ARHGAP17: variants seen among roughly 807,000 people sequenced by gnomAD.
ARHGAP17 encodes the protein Rho GTPase activating protein 17, also known as rho GTPase-activating protein 17.
In ARHGAP17, 57 loss-of-function variants were observed where a neutral mutation model predicts 99.5. The observed-to-expected ratio is 0.57, with a 90% CI of 0.46 to 0.71. The LOEUF is 0.71. Among genes scored for constraint, ARHGAP17 ranks in the 30% least tolerant of loss-of-function variants. The probability of loss-of-function intolerance (pLI) is 0.00; values close to 1 mark genes in which losing one functional copy is unlikely to be tolerated. For missense variants in ARHGAP17, 1,000 were observed against 1,122.4 expected, an observed-to-expected ratio of 0.89 and a Z score of 1.56; for synonymous variants, 417 against 429.6, an observed-to-expected ratio of 0.97 and a Z score of 0.36.
intron 6 of ARHGAP17, among the ~76,000 whole-genome samples, chr16:24,965,157 A>G (rs1033575173): frequency 6.6e-6 from 1 of 150,984 alleles, no homozygotes; most frequent in Non-Finnish European, 1.5e-5. Context: ...GTAAACATAG[A>G]TGTTATAAAA....
intron 19 of ARHGAP17, chr16:24,929,534 T>C (rs2050926956): frequency 1.1e-6 from 1 of 948,956 alleles, no homozygotes; most frequent in Non-Finnish European, 1.3e-6. Flanking sequence ...CAAAAGCACA[T>C]ATGCAAAACA....
chr16:24,996,771 A>T (rs1567263469), intron 1 of ARHGAP17, among the ~76,000 whole-genome samples: 1 of 152,190 alleles, frequency 6.6e-6, no homozygotes, highest in Non-Finnish European at 1.5e-5. Flanking sequence ...AGATAATATA[A>T]GCAAAGTGCT....
intron 15 of ARHGAP17, among the ~76,000 whole-genome samples, chr16:24,942,819 A>G (rs2051355545): frequency 6.6e-6 from 1 of 152,208 alleles, no homozygotes; most frequent in Non-Finnish European, 1.5e-5. Flanking sequence ...AAATAGAAAT[A>G]AAAGGCAACA....
intron 17 of ARHGAP17, among the ~76,000 whole-genome samples, chr16:24,937,044 G>T (rs559745339): frequency 2.0e-5 from 3 of 150,752 alleles, no homozygotes; most frequent in Non-Finnish European, 4.4e-5. Context: ...GAGCCTGGGA[G>T]ATTAAAAGGC....
At chr16:24,927,124 A>T (rs2050862955) in intron 19 of ARHGAP17, among the ~76,000 whole-genome samples, 1 of 152,166 alleles carries the variant, frequency 6.6e-6, no homozygotes, top group African/African-American at 2.4e-5. Flanking sequence ...TAAAAAAAAT[A>T]GCCAGATGTG....
intron 16 of ARHGAP17, 31 bp from the exon 17 acceptor site, chr16:24,939,628 C>A: frequency 6.4e-7 from 1 of 1,567,368 alleles, no homozygotes; most frequent in South Asian, 1.2e-5. Context: ...GTCAACACAC[C>A]ATGCGAGCAG....
intron 1 of ARHGAP17, among the ~76,000 whole-genome samples, chr16:24,982,354 A>G (rs574640583): frequency 6.6e-5 from 10 of 152,300 alleles, no homozygotes; most frequent in African/African-American, 2.4e-4. Context: ...CAGTGAGCCA[A>G]GATCGTGCCA....
intron 17 of ARHGAP17, chr16:24,935,843 A>T (rs2051125718): frequency 3.6e-6 from 2 of 550,494 alleles, no homozygotes; most frequent in East Asian, 3.4e-5. Context: ...ACTTGGTGCC[A>T]TTTTTTTTTT....
Position 24,938,439 on chromosome 16 carries a change from C to T in ARHGAP17, c.1724+925G>A, listed in dbSNP as rs181420208. Reference sequence around the variant, plus strand: ...TTGCAGCCCACTCCAGGTGGCTTATCCAAAGGTTAAGCAACTAAAAGAGCC... The same window carrying T: ...TTGCAGCCCACTCCAGGTGGCTTATTCAAAGGTTAAGCAACTAAAAGAGCC... On this transcript the variant is annotated intron_variant, in intron 17 of 19. Transcript: ENST00000289968. Among the ~76,000 whole-genome samples, 200 of 151,918 alleles carry T rather than the reference C, an allele frequency of 1.3e-3. No homozygotes were observed. In the South Asian group the frequency reaches 0.028, roughly 21 times the overall value.
rs78712745 is a variant in ARHGAP17 at position 24,937,530 on chromosome 16, C to T, written c.1724+1834G>A. 5.6e-3 allele frequency among the ~76,000 whole-genome samples: 854 copies of T among 152,248 alleles called. 5 individuals carry two copies. Among genetic ancestry groups the T allele is most frequent in the Middle Eastern group, 0.027 (8 of 294 alleles). On this transcript the variant is annotated intron_variant, in intron 17 of 19. Coordinates refer to ENST00000289968, the MANE Select transcript of ARHGAP17 (RefSeq NM_001006634.3). ...TTTCCTTCAAACAAAAAAATTTAAA[C>T]CAAAACAAGTACATGCATAGGGCAC...
chr16:24,966,793 G>A (rs900231120), intron 6 of ARHGAP17, among the ~76,000 whole-genome samples: 16 of 152,128 alleles, frequency 1.1e-4, no homozygotes, highest in Non-Finnish European at 1.8e-4. Context: ...CACATGACCA[G>A]GAGACTGTGG....
intron 1 of ARHGAP17, among the ~76,000 whole-genome samples, chr16:24,982,996 A>ATATATTTTTT (rs1315859010): frequency 8.5e-5 from 4 of 46,976 alleles, no homozygotes; most frequent in African/African-American, 3.5e-4. Context: ...ATATATATAT[A>ATATATTTTTT]TTTTTTTTTT....
chr16:24,935,717 G>C (rs773511252), intron 17 of ARHGAP17, 78 bp from the exon 18 acceptor site: 4 of 1,468,494 alleles, frequency 2.7e-6, no homozygotes, highest in Non-Finnish European at 3.8e-6. Context: ...TAAAACATAA[G>C]ATTCCAAGCA....
chr16:24,982,981 T>TATATATAC (rs1183493245), intron 1 of ARHGAP17, among the ~76,000 whole-genome samples: 1 of 10,236 alleles, frequency 9.8e-5, no homozygotes, highest in African/African-American at 3.1e-4. Context: ...TATATATATA[T>TATATATAC]ATATATATAT....
chr16:25,009,011 G>A (rs573391269), intron 1 of ARHGAP17, among the ~76,000 whole-genome samples: 31 of 152,342 alleles, frequency 2.0e-4, no homozygotes, highest in African/African-American at 6.3e-4. Context: ...AATCCACTCA[G>A]ATTGAAGCAA....
chr16:24,996,142 C>T (rs542461598), intron 1 of ARHGAP17, among the ~76,000 whole-genome samples: 4 of 152,214 alleles, frequency 2.6e-5, no homozygotes, highest in Non-Finnish European at 5.9e-5. Context: ...AATATGTCTT[C>T]AGTCAACCAT....
intron 16 of ARHGAP17, among the ~76,000 whole-genome samples, chr16:24,940,512 G>A (rs576214251): frequency 6.6e-6 from 1 of 152,128 alleles, no homozygotes; most frequent in African/African-American, 2.4e-5. Flanking sequence ...GGGAAACATC[G>A]TGAGGCCCTG....
intron 16 of ARHGAP17, among the ~76,000 whole-genome samples, chr16:24,940,235 T>G (rs945052751): frequency 6.6e-6 from 1 of 152,198 alleles, no homozygotes; most frequent in African/African-American, 2.4e-5. Context: ...ATTTCCATAC[T>G]TCCTAGTTCC....
intron 1 of ARHGAP17, among the ~76,000 whole-genome samples, chr16:24,992,526 G>C (rs543549478): frequency 4.6e-5 from 7 of 151,878 alleles, no homozygotes; most frequent in Non-Finnish European, 1.0e-4. Flanking sequence ...AGTAGAGATG[G>C]GGTTTCACCA....
Sources: allele counts gnomAD v4.1 joint callset (sites outside exome capture counted in the v4.1 genomes callset), GRCh38; gene constraint gnomAD v4.1.1; transcripts MANE v1.5; gene names NCBI Gene and HGNC (gene_info 2026-07-23, HGNC 2026-07-21).